PRKCE: variants seen among roughly 807,000 people sequenced by gnomAD.
The protein encoded by PRKCE is protein kinase C epsilon, also known as protein kinase C epsilon type.
A neutral mutation model predicts 85.4 loss-of-function variants in PRKCE; 16 were observed. The observed-to-expected ratio is 0.19, with a 90% CI of 0.13 to 0.28. The LOEUF (loss-of-function observed/expected upper bound fraction) is 0.28, where lower values mean the gene tolerates loss of function less well. PRKCE is among the 10% of genes least tolerant of loss of function. The pLI is 1.00. For missense variants in PRKCE, 573 were observed against 975.2 expected (o/e 0.59, Z 5.49); for synonymous variants, 388 against 371.5 (o/e 1.04, Z -0.51).
At chr2:46,037,641 A>G (rs1429957145) in intron 10 of PRKCE, among the ~76,000 whole-genome samples, 2 of 152,220 alleles carry the variant, frequency 1.3e-5, no homozygotes, top group Non-Finnish European at 2.9e-5. Context: ...ACATTTCAAG[A>G]AAACAACCGC....
intron 2 of PRKCE, among the ~76,000 whole-genome samples, chr2:45,945,215 A>T (rs766905281): frequency 3.3e-5 from 5 of 152,188 alleles, no homozygotes; most frequent in Non-Finnish European, 5.9e-5. Context: ...TAATTTATAA[A>T]GAAAAGAGGT....
intron 6 of PRKCE, among the ~76,000 whole-genome samples, chr2:45,995,526 T>C (rs757232919): frequency 1.3e-5 from 2 of 152,238 alleles, no homozygotes; most frequent in Non-Finnish European, 2.9e-5. Context: ...TTCATTTTTG[T>C]GAAGATCGTA....
chr2:45,765,250 C>T (rs1172881592), intron 1 of PRKCE, among the ~76,000 whole-genome samples: 2 of 152,144 alleles, frequency 1.3e-5, no homozygotes, highest in African/African-American at 4.8e-5. Flanking sequence ...TAAGAAGCAG[C>T]CACATGATGA....
intron 14 of PRKCE, among the ~76,000 whole-genome samples, chr2:46,161,565 C>A (rs559652843): frequency 6.6e-6 from 1 of 152,032 alleles, no homozygotes; most frequent in East Asian, 1.9e-4. Context: ...GGAGGAGCAG[C>A]CCCTTCCTGC....
intron 1 of PRKCE, among the ~76,000 whole-genome samples, chr2:45,831,505 A>G (rs1045254451): frequency 1.3e-5 from 2 of 151,558 alleles, no homozygotes; most frequent in African/African-American, 4.9e-5. Flanking sequence ...AGTTGATGGC[A>G]TAAGAAATTG....
chr2:45,932,341 G>A (rs1699108338), intron 2 of PRKCE, among the ~76,000 whole-genome samples: 1 of 152,220 alleles, frequency 6.6e-6, no homozygotes, highest in Non-Finnish European at 1.5e-5. Flanking sequence ...TTCCAGTTTA[G>A]GGGTAGTATG....
chr2:45,861,494 G>A (rs184190157), intron 2 of PRKCE, among the ~76,000 whole-genome samples: 78 of 151,916 alleles, frequency 5.1e-4, no homozygotes, highest in African/African-American at 1.8e-3. Flanking sequence ...ACATACAATA[G>A]CAAAAAAATA....
intron 11 of PRKCE, among the ~76,000 whole-genome samples, chr2:46,114,775 C>A (rs941065677): frequency 8.5e-5 from 13 of 152,074 alleles, no homozygotes; most frequent in African/African-American, 2.9e-4. Flanking sequence ...AAAGCCCGTT[C>A]ACTGTGCCTT....
At chr2:46,141,880 G>A (rs992262472) in intron 11 of PRKCE, among the ~76,000 whole-genome samples, 7 of 152,086 alleles carry the variant, frequency 4.6e-5, no homozygotes, top group African/African-American at 9.7e-5. Flanking sequence ...AACACCATGG[G>A]AACTCTCAGG....
intron 1 of PRKCE, among the ~76,000 whole-genome samples, chr2:45,746,571 T>C (rs1683152127): frequency 6.6e-6 from 1 of 152,234 alleles, no homozygotes; most frequent in African/African-American, 2.4e-5. Context: ...CCTAAGTTTC[T>C]ACCTCACTGA....
intron 10 of PRKCE, among the ~76,000 whole-genome samples, chr2:46,070,607 C>T (rs1033891582): frequency 2.0e-5 from 3 of 151,670 alleles, no homozygotes; most frequent in African/African-American, 7.3e-5. Context: ...CATGCCACTG[C>T]ACTCCAGCCT....
chr2:46,138,007 G>A lies in PRKCE; in HGVS notation c.1593-7086G>A, dbSNP rs941850980. ...TTAGTTAGTATAGTTAGTCTTAGAA[G>A]TCAAACTTTTTGTTTTTCCCCTGAG... On this transcript the variant is annotated intron_variant, in intron 11 of 14. Coordinates refer to ENST00000306156, the MANE Select transcript of PRKCE (RefSeq NM_005400.3). This position sits in a 1 kb window ranked among gnomAD's most constrained non-coding sequence, Gnocchi z 4.2. 3.9e-5 allele frequency among the ~76,000 whole-genome samples: 6 copies of A among 152,172 alleles called. No individual in the cohort carries two copies. The highest frequency in any genetic ancestry group is 8.8e-5 in the Non-Finnish European group (6 of 68,040).
At chr2:46,137,566 C>A (rs993363180) in intron 11 of PRKCE, among the ~76,000 whole-genome samples, 7 of 142,790 alleles carry the variant, frequency 4.9e-5, no homozygotes, top group Non-Finnish European at 1.1e-4. Flanking sequence ...GCCTGACCAA[C>A]ATGGTGAAAC....
intron 14 of PRKCE, among the ~76,000 whole-genome samples, chr2:46,162,455 G>A (rs1454749179): frequency 2.0e-5 from 3 of 152,066 alleles, no homozygotes; most frequent in Non-Finnish European, 2.9e-5. Context: ...TGACTTCATC[G>A]TTGCCTTGAA....
intron 10 of PRKCE, among the ~76,000 whole-genome samples, chr2:46,079,114 T>C (rs1186890707): frequency 2.1e-5 from 3 of 146,338 alleles, no homozygotes; most frequent in Non-Finnish European, 4.5e-5. Flanking sequence ...AGGTGGAGAC[T>C]GCAGTGAGCT....
intron 10 of PRKCE, among the ~76,000 whole-genome samples, chr2:46,082,296 G>GAA (rs1178537945): frequency 6.6e-6 from 1 of 152,092 alleles, no homozygotes; most frequent in Non-Finnish European, 1.5e-5. Flanking sequence ...GAGAGAGAGA[G>GAA]AAATGGACAA....
At chr2:45,760,701 C>T (rs76832879) in intron 1 of PRKCE, among the ~76,000 whole-genome samples, 18,109 of 152,120 alleles carry the variant, frequency 0.12, 1,233 homozygotes, top group Middle Eastern at 0.24. Flanking sequence ...CCAAAGGAGG[C>T]TTTGTAGTGG....
intron 1 of PRKCE, among the ~76,000 whole-genome samples, chr2:45,747,073 C>A (rs1196587032): frequency 6.6e-6 from 1 of 152,166 alleles, no homozygotes; most frequent in Non-Finnish European, 1.5e-5. Context: ...CTTTTGCGTG[C>A]GCTCATCTCA....
chr2:46,016,547 C>A (rs1706166010), intron 10 of PRKCE, among the ~76,000 whole-genome samples: 1 of 152,146 alleles, frequency 6.6e-6, no homozygotes. Context: ...AATCTAACTG[C>A]TGCAGCTTCG....
Sources: gnomAD v4.1 joint callset for allele counts (sites outside exome capture counted in the v4.1 genomes callset) on GRCh38, gnomAD v4.1.1 for gene constraint, Gnocchi (gnomAD v3.1) non-coding constraint, MANE v1.5 for transcripts, NCBI Gene and HGNC (gene_info 2026-07-23, HGNC 2026-07-21) for gene names.